The following MYO1B variants were observed in gnomAD, a reference collection of about 807,000 sequenced individuals.
MYO1B encodes myosin IB.
MYO1B carries 72 observed loss-of-function variants against 159.7 expected under a neutral mutation model. That is an observed-to-expected ratio of 0.45 (90% confidence interval 0.37 to 0.55). The LOEUF is 0.55. Among genes scored for constraint, MYO1B ranks in the 20% least tolerant of loss-of-function variants. The pLI, the probability that MYO1B is intolerant of heterozygous loss-of-function variation, is 0.00. For synonymous variants in MYO1B, 468 were observed against 473.8 expected (o/e 0.99, Z 0.16); for missense variants, 1,062 against 1,364.8 (o/e 0.78, Z 3.50).
In MYO1B at chr2:191,375,784, C is replaced by T. The variant is rs181395104; in HGVS notation, c.1185+5492C>T. On this transcript the variant is annotated intron_variant, in intron 13 of 30. Coordinates refer to ENST00000392318, the MANE Select transcript of MYO1B (RefSeq NM_001130158.3). ...GACCAGCCTGACCAACATGGTGAAA[C>T]CCCGTCTCTACTAAAAATACAAAAA... Among the ~76,000 whole-genome samples, 497 of 152,060 alleles carry T rather than the reference C, an allele frequency of 3.3e-3. 1 individual carries two copies. The highest frequency in any genetic ancestry group is 0.012 in the African/African-American group (486 of 41,448).
At chr2:191,255,134 G>C (rs1009822423) in intron 1 of MYO1B, among the ~76,000 whole-genome samples, 7 of 151,528 alleles carry the variant, frequency 4.6e-5, no homozygotes, top group African/African-American at 1.5e-4. Context: ...TTTCTATGTT[G>C]CCCAGGCTGG....
intron 4 of MYO1B, among the ~76,000 whole-genome samples, chr2:191,333,914 G>C (rs959900827): frequency 1.3e-5 from 2 of 152,294 alleles, no homozygotes; most frequent in East Asian, 3.9e-4. Context: ...TAGAAACTCT[G>C]TTCCTTGCTG....
intron 3 of MYO1B, among the ~76,000 whole-genome samples, chr2:191,312,694 AT>A (rs1336823621): frequency 6.6e-6 from 1 of 152,226 alleles, no homozygotes; most frequent in Non-Finnish European, 1.5e-5. Flanking sequence ...CATCCAATGT[AT>A]TGTGTGTGTT....
chr2:191,354,685 A>C (rs1693157628), intron 7 of MYO1B, among the ~76,000 whole-genome samples: 1 of 152,134 alleles, frequency 6.6e-6, no homozygotes, highest in Non-Finnish European at 1.5e-5. Context: ...ACAGTATTAC[A>C]ACTAGGTTCT....
At chr2:191,267,296 G>T (rs974575676) in intron 1 of MYO1B, among the ~76,000 whole-genome samples, 4 of 151,956 alleles carry the variant, frequency 2.6e-5, no homozygotes, top group African/African-American at 9.7e-5. Context: ...CATGTCCTTT[G>T]TATTAGCCAG....
intron 8 of MYO1B, among the ~76,000 whole-genome samples, chr2:191,360,989 T>G (rs530627665): frequency 6.6e-6 from 1 of 152,314 alleles, no homozygotes; most frequent in Non-Finnish European, 1.5e-5. Flanking sequence ...TGCCCCTTCC[T>G]TCTTAAGAAT....
At chr2:191,333,478 TC>T (rs1409011655) in intron 4 of MYO1B, among the ~76,000 whole-genome samples, 2 of 152,188 alleles carry the variant, frequency 1.3e-5, no homozygotes, top group African/African-American at 2.4e-5. Context: ...CCATATCAAA[TC>T]CCTTTCCTAA....
chr2:191,284,606 T>A (rs1688254733), intron 2 of MYO1B, among the ~76,000 whole-genome samples: 1 of 152,068 alleles, frequency 6.6e-6, no homozygotes, highest in African/African-American at 2.4e-5. Context: ...AAATCCAGAA[T>A]CACTTTTTTT....
At chr2:191,315,828 G>T (rs1227922038) in intron 3 of MYO1B, among the ~76,000 whole-genome samples, 1 of 152,208 alleles carries the variant, frequency 6.6e-6, no homozygotes, top group African/African-American at 2.4e-5. Flanking sequence ...TTTAGATTTA[G>T]GAAAAGCAAA....
At chr2:191,276,014 C>T (rs939427482) in intron 1 of MYO1B, among the ~76,000 whole-genome samples, 8 of 152,184 alleles carry the variant, frequency 5.3e-5, no homozygotes, top group African/African-American at 1.4e-4. Flanking sequence ...GCCTTTGTAG[C>T]GTGCCTCTGT....
In MYO1B at chr2:191,298,317, A is replaced by G. The variant is rs559322937; in HGVS notation, c.251+2091A>G. Among the ~76,000 whole-genome samples the G allele has an allele frequency of 2.6e-5, 4 of 152,332 alleles. No homozygotes were observed. The East Asian group carries it at 5.8e-4, about 22-fold the overall frequency. ...TGTTCTTGTTTCATTTTGCCTTAAG[A>G]CAAATAATATCTGAAATTTGTTTTA... is the stretch of plus-strand genomic sequence containing the variant. On this transcript the variant is annotated intron_variant, in intron 3 of 30. Coordinates refer to ENST00000392318, the MANE Select transcript of MYO1B (RefSeq NM_001130158.3).
chr2:191,418,380 G>A (rs1049824565), intron 30 of MYO1B, among the ~76,000 whole-genome samples: 16 of 151,180 alleles, frequency 1.1e-4, no homozygotes, highest in Non-Finnish European at 1.3e-4. Context: ...CTTCCCAGAA[G>A]TAGAAGTAGT....
chr2:191,373,807 A>T (rs368137000), intron 13 of MYO1B, among the ~76,000 whole-genome samples: 21 of 152,240 alleles, frequency 1.4e-4, no homozygotes, highest in Admixed American at 7.9e-4. Flanking sequence ...ATAAAAATTT[A>T]ACTTTCCTTC....
At chr2:191,285,251 C>G (rs1688296480) in intron 2 of MYO1B, among the ~76,000 whole-genome samples, 1 of 152,160 alleles carries the variant, frequency 6.6e-6, no homozygotes, top group African/African-American at 2.4e-5. Flanking sequence ...TATTATCCTG[C>G]TCTAAAATAA....
chr2:191,345,164 T>G (rs745393985), intron 5 of MYO1B, among the ~76,000 whole-genome samples: 1 of 152,150 alleles, frequency 6.6e-6, no homozygotes, highest in Admixed American at 6.5e-5. Flanking sequence ...TGGATCCCAG[T>G]AACAGACTGG....
At chr2:191,312,707 T>C (rs1358356980) in intron 3 of MYO1B, among the ~76,000 whole-genome samples, 1 of 152,230 alleles carries the variant, frequency 6.6e-6, no homozygotes, top group Non-Finnish European at 1.5e-5. Context: ...GTGTGTGTTA[T>C]AAAACATACA....
At chr2:191,271,698 GC>G (rs1196179521) in intron 1 of MYO1B, among the ~76,000 whole-genome samples, 1 of 152,160 alleles carries the variant, frequency 6.6e-6, no homozygotes, top group Non-Finnish European at 1.5e-5. Context: ...CAATGGAGGA[GC>G]ACGAGATAAG....
rs1343954913 is a variant in MYO1B, at chr2:191,425,314, T to C, written c.*1354T>C. The C allele has an allele frequency of 3.9e-5, 6 of 152,198 alleles. No homozygotes were observed. Among genetic ancestry groups the C allele is most frequent in the African/African-American group, 1.4e-4 (6 of 41,440 alleles). The allele number at this position is 152,198 out of a possible 1,614,324, so 9.4% of individuals were successfully genotyped here. ...ATCTTTTATAAACCAGAAACATTAA[T>C]TGAAAATATTTTCTGGGGATTTTCT... On this transcript the variant is annotated 3_prime_UTR_variant, in exon 31 of 31. Transcript: ENST00000392318.
At chr2:191,258,262 A>G (rs966265249) in intron 1 of MYO1B, among the ~76,000 whole-genome samples, 6 of 152,236 alleles carry the variant, frequency 3.9e-5, no homozygotes, top group Non-Finnish European at 7.3e-5. Flanking sequence ...ATTGTAGGCA[A>G]TTATAACACA....
Sources: allele counts gnomAD v4.1 joint callset (sites outside exome capture counted in the v4.1 genomes callset), GRCh38; gene constraint gnomAD v4.1.1; transcripts MANE v1.5; gene names NCBI Gene and HGNC (gene_info 2026-07-23, HGNC 2026-07-21).